The following C1orf167 variants were observed in gnomAD, a reference collection of about 807,000 sequenced individuals.
C1orf167 encodes the protein uncharacterized protein C1orf167.
A neutral mutation model predicts 176.5 loss-of-function variants in C1orf167; 153 were observed. The observed-to-expected ratio is 0.87, with a 90% CI of 0.76 to 0.99. The LOEUF is 0.99. C1orf167 is among the 50% of genes least tolerant of loss of function. C1orf167 has a pLI of 0.00. For missense variants in C1orf167, 1,490 were observed against 1,817.7 expected (o/e 0.82, Z 3.28); for synonymous variants, 594 against 752.7 (o/e 0.79, Z 3.45).
In C1orf167 at chr1:11,785,240, T is replaced by A. The variant is rs976443396; in HGVS notation, c.3518T>A (p.Leu1173Gln). 50 of 1,291,286 alleles carry A rather than the reference T, an allele frequency of 3.9e-5. No homozygotes were observed. The highest frequency in any genetic ancestry group is 4.8e-5 in the Non-Finnish European group (47 of 988,772). 80.0% of individuals were successfully genotyped at this position (1,291,286 alleles called of 1,614,324 possible). A position where few individuals can be genotyped will look rare whatever the true frequency, so the allele number is the denominator to read the frequency against. The change falls in exon 16 of 21, where the codon CTG (leucine) becomes CAG (glutamine). Residue 1173 changes from leucine to glutamine, a missense_variant. By Grantham distance (113) the Leu-to-Gln change is moderately radical. Transcript: ENST00000688073. ...QLRPAELRRF[L>Q]RTVQLRVRLG... is the part of the protein sequence containing the mutation. ...CGGCCGGCTGAGCTCAGGCGCTTCC[T>A]GCGGACAGTGCAGCTCAGGGTGCGG...
intron 1 of C1orf167, 21 bp downstream of exon 1, chr1:11,762,326 G>T (rs1255037499): frequency 1.1e-5 from 4 of 370,018 alleles, no homozygotes; most frequent in Non-Finnish European, 2.2e-5. Context: ...ATCCATGAGG[G>T]CAGGAAACTG....
intron 6 of C1orf167, 137 bp downstream of exon 6, chr1:11,769,264 C>T: frequency 1.4e-6 from 1 of 727,712 alleles, no homozygotes; most frequent in Non-Finnish European, 1.7e-6. Context: ...AAAAAGATGT[C>T]CATCATGGCA....
intron 14 of C1orf167, among the ~76,000 whole-genome samples, chr1:11,782,918 CAAAA>C (rs70983597): frequency 6.7e-5 from 7 of 104,924 alleles, no homozygotes; most frequent in Non-Finnish European, 7.8e-5. Context: ...GACTCCATCT[CAAAA>C]AAAAAAAAAA....
intron 4 of C1orf167, 129 bp downstream of exon 4, chr1:11,767,393 AACTT>A: frequency 1.2e-6 from 1 of 813,162 alleles, no homozygotes. Context: ...AAGGAAGAGG[AACTT>A]ACTACCTGTC....
chr1:11,778,504 G>C, intron 10 of C1orf167, 156 bp from the exon 11 acceptor site: 5 of 546,806 alleles, frequency 9.1e-6, no homozygotes, highest in Non-Finnish European at 1.4e-5. Context: ...GCTGTGGGGG[G>C]CAGCAGCGTG....
rs745937083 is a variant in C1orf167, at chr1:11,779,821, C to G, written c.2671C>G (p.Arg891Gly). 2 of 1,302,066 alleles carry G rather than the reference C, an allele frequency of 1.5e-6. No homozygotes were observed. Among genetic ancestry groups the G allele is most frequent in the Non-Finnish European group, 2.0e-6 (2 of 988,194 alleles). 80.7% of individuals were successfully genotyped at this position (1,302,066 alleles called of 1,614,324 possible). Reference protein sequence around the residue: ...RQRRIFLSWSRWATAQWAWRE... With the variant: ...RQRRIFLSWSGWATAQWAWRE... ...TCCCAGCATCTTCCTCAGCTGGAGCCGCTGGGCAACAGCCCAATGGGCCTG... is the reference window on the plus strand; with the variant it reads ...TCCCAGCATCTTCCTCAGCTGGAGCGGCTGGGCAACAGCCCAATGGGCCTG... Residue 891 changes from arginine to glycine, a missense_variant, in exon 13 of 21, where the codon CGC becomes GGC. Physicochemically the swap from Arg to Gly is moderately radical, Grantham distance 125. Coordinates refer to ENST00000688073, the MANE Select transcript of C1orf167 (RefSeq NM_001010881.2).
At position 11,782,215 on chromosome 1, in the gene C1orf167, C is replaced by T; in HGVS notation, c.2887C>T (p.Gln963Ter). ...QGQQFLHEKCQTWVQVHLQGL... is the reference protein window; with the variant it reads ...QGQQFLHEKC ...GCAGCAGTTCCTGCATGAAAAGTGC[C>T]AGACATGGGTGCAGGTCCACCTCCA... Residue 963 changes from glutamine to a stop codon, truncating the protein, a stop_gained, in exon 14 of 21, where the codon CAG (glutamine) becomes TAG (stop). Coordinates refer to ENST00000688073, the MANE Select transcript of C1orf167 (RefSeq NM_001010881.2). LOFTEE classifies it high-confidence loss of function. The T allele has an allele frequency of 7.7e-7, 1 of 1,294,404 alleles. No homozygotes were observed. The highest frequency in any genetic ancestry group is 1.0e-6 in the Non-Finnish European group (1 of 984,996). 80.2% of individuals were successfully genotyped at this position (1,294,404 alleles called of 1,614,324 possible).
rs558773009 is a variant in C1orf167 at position 11,779,935 on chromosome 1, G to T, written c.2785G>T (p.Val929Leu). The change falls in exon 13 of 21, where the codon GTG becomes TTG. Residue 929 changes from valine to leucine, a missense_variant. Transcript: ENST00000688073. ...TCAGCGGCTGCTGCAGTCACGGCTG[G>T]TGGAGTGGTGGGCCCAGGAGCGGGG... ...WRQRLLQSRL[V>L]EWWAQERGWR... 198 of 1,301,966 alleles carry T rather than the reference G, an allele frequency of 1.5e-4. No individual in the cohort carries two copies. The African/African-American group carries it at 1.9e-3, about 12-fold the overall frequency. 80.7% of individuals were successfully genotyped at this position (1,301,966 alleles called of 1,614,324 possible). A position where few individuals can be genotyped will look rare whatever the true frequency, so the allele number is the denominator to read the frequency against.
At chr1:11,783,606 C>G (rs1643691827) in intron 14 of C1orf167, among the ~76,000 whole-genome samples, 1 of 152,096 alleles carries the variant, frequency 6.6e-6, no homozygotes, top group Non-Finnish European at 1.5e-5. Flanking sequence ...TCTCCCTCAC[C>G]AACCACCTGG....
chr1:11,767,163 G>C, intron 3 of C1orf167, 58 bp from the exon 4 acceptor site: 3 of 1,286,846 alleles, frequency 2.3e-6, no homozygotes, highest in Non-Finnish European at 3.0e-6. Context: ...GGCAGGGGGT[G>C]CCCTGTCCTG....
At chr1:11,784,725 A>T in intron 15 of C1orf167, 132 bp downstream of exon 15, 1 of 1,054,132 alleles carries the variant, frequency 9.5e-7, no homozygotes, top group Non-Finnish European at 1.2e-6. Flanking sequence ...GTTGGGGGTG[A>T]CAGGGAGAGG....
At position 11,766,095 on chromosome 1, in the gene C1orf167, C is replaced by A. The variant is rs542383366; in HGVS notation, c.309C>A (p.Asn103Lys). ...ATTCAAGCTTCTGGCAACAGAGCAACCTGCAGTCCCTGGCCAGGAGGCGCC... is the reference window on the plus strand; with the variant it reads ...ATTCAAGCTTCTGGCAACAGAGCAAACTGCAGTCCCTGGCCAGGAGGCGCC... ...LVNSSFWQQS[N>K]LQSLARRRQG... is the part of the protein sequence containing the mutation. Residue 103 changes from asparagine (N) to lysine (K), a missense_variant, in exon 3 of 21, where the codon AAC becomes AAA. Transcript: ENST00000688073. The surrounding 1 kb of genome is among the most constrained non-coding windows in gnomAD (Gnocchi z 4.5). 1 of 1,289,898 alleles carries A rather than the reference C, an allele frequency of 7.8e-7. No individual in the cohort carries two copies. The highest frequency in any genetic ancestry group is 2.3e-5 in the Admixed American group (1 of 43,578). 79.9% of individuals were successfully genotyped at this position (1,289,898 alleles called of 1,614,324 possible). A position where few individuals can be genotyped will look rare whatever the true frequency, so the allele number is the denominator to read the frequency against.
intron 7 of C1orf167, 59 bp from the exon 8 acceptor site, chr1:11,772,023 G>T: frequency 8.2e-7 from 1 of 1,226,664 alleles, no homozygotes; most frequent in Non-Finnish European, 1.1e-6. Context: ...GCCCCTCCTG[G>T]CTCAGATCCT....
chr1:11,771,455 C>T lies in C1orf167; in HGVS notation c.1698-69C>T, dbSNP rs74053312. Reference sequence around the variant, plus strand: ...CAGACCGCACCTGCCTGGGGTGGGGCGGACAGGTTGGGACCGAGTGCCCTT... The same window carrying T: ...CAGACCGCACCTGCCTGGGGTGGGGTGGACAGGTTGGGACCGAGTGCCCTT... On this transcript the variant is annotated intron_variant, in intron 6 of 20. Coordinates refer to ENST00000688073, the MANE Select transcript of C1orf167 (RefSeq NM_001010881.2). The T allele has an allele frequency of 5.8e-3, 5,798 of 999,174 alleles. 221 individuals carry two copies. In the African/African-American group the frequency reaches 0.087, roughly 15 times the overall value. The allele number at this position is 999,174 out of a possible 1,614,324, so 61.9% of individuals were successfully genotyped here.
At position 11,779,165 on chromosome 1, in the gene C1orf167, C is replaced by T. The variant is rs113887842; in HGVS notation, c.2651+85C>T. On this transcript the variant is annotated intron_variant, in intron 12 of 20. Coordinates refer to ENST00000688073, the MANE Select transcript of C1orf167 (RefSeq NM_001010881.2). The stretch of plus-strand genomic sequence containing the variant: ...TCCCTTCCACCCTTGGCCTTCACAG[C>T]AGCAGCCCCTTGGGGTCTGCACCTC... The T allele has an allele frequency of 1.6e-5, 19 of 1,171,810 alleles. No individual in the cohort carries two copies. The African/African-American group carries it at 2.6e-4, about 16-fold the overall frequency. 72.6% of individuals were successfully genotyped at this position (1,171,810 alleles called of 1,614,324 possible).
At chr1:11,780,090 C>A in intron 13 of C1orf167, 80 bp downstream of exon 13, 2 of 1,085,628 alleles carry the variant, frequency 1.8e-6, no homozygotes, top group Non-Finnish European at 1.2e-6. Context: ...CAGCCCTGGC[C>A]AACAACTTGA....
chr1:11,788,492 A>G, intron 19 of C1orf167, 114 bp downstream of exon 19: 1 of 1,136,960 alleles, frequency 8.8e-7, no homozygotes, highest in Non-Finnish European at 1.2e-6. Context: ...ACCTTGGGGG[A>G]CAGGCCCAGG....
In C1orf167 at chr1:11,766,013, C is replaced by T; in HGVS notation, c.227C>T (p.Ala76Val). ...QEPCRVQTNL[A>V]SPGPRLGLAL... ...CCCTGCCGAGTCCAGACCAACCTGG[C>T]CAGCCCTGGTCCCCGCCTGGGCCTA... is the stretch of plus-strand genomic sequence containing the variant. Residue 76 changes from alanine to valine, a missense_variant, in exon 3 of 21, where the codon GCC becomes GTC. Coordinates refer to ENST00000688073, the MANE Select transcript of C1orf167 (RefSeq NM_001010881.2). This position sits in a 1 kb window ranked among gnomAD's most constrained non-coding sequence, Gnocchi z 4.5. The T allele has an allele frequency of 7.8e-7, 1 of 1,289,674 alleles. No homozygotes were observed. Among genetic ancestry groups the T allele is most frequent in the Non-Finnish European group, 1.0e-6 (1 of 988,776 alleles). 79.9% of individuals were successfully genotyped at this position (1,289,674 alleles called of 1,614,324 possible). A position where few individuals can be genotyped will look rare whatever the true frequency, so the allele number is the denominator to read the frequency against.
At position 11,767,933 on chromosome 1, in the gene C1orf167, G is replaced by A; in HGVS notation, c.1344-144G>A. On this transcript the variant is annotated intron_variant, in intron 4 of 20. Transcript: ENST00000688073. Reference sequence around the variant, plus strand: ...CATCAGTAAGAGGGAAGTTCTTCCAGTCTGCAGTGTGATACTCCTGTTGTG... The same window carrying A: ...CATCAGTAAGAGGGAAGTTCTTCCAATCTGCAGTGTGATACTCCTGTTGTG... 5.8e-6 allele frequency: 3 copies of A among 512,916 alleles called. No individual in the cohort carries two copies. In the East Asian group the frequency reaches 2.5e-4, roughly 43 times the overall value. The allele number at this position is 512,916 out of a possible 1,614,324, so 31.8% of individuals were successfully genotyped here.
Sources: allele counts gnomAD v4.1 joint callset (sites outside exome capture counted in the v4.1 genomes callset), GRCh38; gene constraint gnomAD v4.1.1; non-coding constraint Gnocchi (gnomAD v3.1); transcripts MANE v1.5; gene names NCBI Gene and HGNC (gene_info 2026-07-23, HGNC 2026-07-21).